TRIM37: variants seen among roughly 807,000 people sequenced by gnomAD.
The protein encoded by TRIM37 is E3 ubiquitin-protein ligase TRIM37.
A neutral mutation model predicts 129.8 loss-of-function variants in TRIM37; 80 were observed. The observed-to-expected ratio is 0.62, with a 90% confidence interval of 0.51 to 0.74. The LOEUF (loss-of-function observed/expected upper bound fraction) is 0.74, where lower values mean the gene tolerates loss of function less well. Among genes scored for constraint, TRIM37 ranks in the 30% least tolerant of loss-of-function variants. The pLI is 0.00. For missense variants in TRIM37, 1,054 were observed against 1,176.5 expected (o/e 0.90, Z 1.52); for synonymous variants, 389 against 387.1 (o/e 1.00, Z -0.06).
At chr17:59,038,454 C>G (rs1255033745) in intron 17 of TRIM37, among the ~76,000 whole-genome samples, 1 of 152,122 alleles carries the variant, frequency 6.6e-6, no homozygotes, top group Non-Finnish European at 1.5e-5. Flanking sequence ...TCTTCAACAT[C>G]TAGAATACAG....
intron 9 of TRIM37, among the ~76,000 whole-genome samples, 197 bp from the exon 10 acceptor site, chr17:59,064,602 T>C (rs544565798): frequency 9.4e-4 from 143 of 152,268 alleles, no homozygotes; most frequent in Non-Finnish European, 1.5e-3. Context: ...AAATTGGAGA[T>C]ACAAATACTT....
intron 2 of TRIM37, among the ~76,000 whole-genome samples, chr17:59,100,959 T>C (rs1216327389): frequency 6.6e-6 from 1 of 150,550 alleles, no homozygotes; most frequent in African/African-American, 2.4e-5. Context: ...GAGATGGAGG[T>C]TGCAGTGAGC....
intron 21 of TRIM37, among the ~76,000 whole-genome samples, chr17:59,012,861 G>A (rs1393878631): frequency 6.7e-6 from 1 of 149,614 alleles, no homozygotes; most frequent in African/African-American, 2.5e-5. Flanking sequence ...GGGCAACAGA[G>A]TGAGACTCTG....
chr17:58,993,931 AATGTT>A (rs1297626720), downstream of TRIM37, among the ~76,000 whole-genome samples: 1 of 152,222 alleles, frequency 6.6e-6, no homozygotes. Flanking sequence ...CTTTGAAAAA[AATGTT>A]ATGACACAAT....
chr17:59,020,607 A>C (rs1264603465), intron 19 of TRIM37, among the ~76,000 whole-genome samples: 1 of 152,214 alleles, frequency 6.6e-6, no homozygotes, highest in Non-Finnish European at 1.5e-5. Context: ...ATTAATGACC[A>C]GGATCTCAAA....
intron 1 of TRIM37, 50 bp downstream of exon 1, chr17:59,106,391 G>T (rs756593570): frequency 1.2e-6 from 2 of 1,612,216 alleles, no homozygotes; most frequent in Non-Finnish European, 1.7e-6. Flanking sequence ...AATAAAAACC[G>T]CTCATCGGGT....
downstream of TRIM37, chr17:58,980,113 G>A (rs375055322): frequency 1.2e-6 from 2 of 1,614,118 alleles, no homozygotes; most frequent in East Asian, 2.2e-5. This position sits in a 1 kb window ranked among gnomAD's most constrained non-coding sequence, Gnocchi z 4.7. Flanking sequence ...TGAAAGTTGT[G>A]TCCGACCACC....
At chr17:58,988,398 T>C (rs1198929827) in intron 24 of TRIM37, among the ~76,000 whole-genome samples, 1 of 151,976 alleles carries the variant, frequency 6.6e-6, no homozygotes, top group African/African-American at 2.4e-5. Flanking sequence ...AAGCACCCTA[T>C]GAGGGAAAAG....
chr17:59,075,261 AC>A (rs894149870), intron 8 of TRIM37, among the ~76,000 whole-genome samples: 2 of 152,010 alleles, frequency 1.3e-5, no homozygotes, highest in Non-Finnish European at 2.9e-5. Context: ...CAAAAAAAAA[AC>A]GTTTATAATA....
rs753562399 is a variant in TRIM37, at chr17:59,104,349, G to T, written c.67C>A (p.Arg23=). The T allele has an allele frequency of 4.3e-6, 7 of 1,614,026 alleles. No individual in the cohort carries two copies. The highest frequency in any genetic ancestry group is 2.7e-5 in the African/African-American group (2 of 74,914). The change falls in exon 2 of 24, where the codon CGG becomes AGG. Residue 23 remains arginine (R), a synonymous_variant. Transcript: ENST00000262294. ...CAATGAGGACACAGGCGTGCATCCC[G>T]CAATTTCTCCATACAAATGAAACAT... ...FRCFICMEKL[R]DARLCPHCSK... is the part of the protein sequence containing the mutation.
At chr17:58,991,563 T>C (rs780537255) in intron 24 of TRIM37, among the ~76,000 whole-genome samples, 2 of 152,204 alleles carry the variant, frequency 1.3e-5, no homozygotes, top group Non-Finnish European at 2.9e-5. Context: ...ACTCATTTTA[T>C]GAGGTCAGCA....
chr17:58,994,812 C>T (rs1311302476), downstream of TRIM37, among the ~76,000 whole-genome samples: 4 of 151,526 alleles, frequency 2.6e-5, no homozygotes, highest in Admixed American at 6.6e-5. Context: ...GCAAATGGCA[C>T]GATCTCGGCT....
At chr17:59,001,480 C>CA in intron 23 of TRIM37, 118 bp downstream of exon 23, 1 of 1,222,564 alleles carries the variant, frequency 8.2e-7, no homozygotes, top group South Asian at 1.4e-5. Flanking sequence ...GAAGTAGAAG[C>CA]AGAAGAAGCA....
At chr17:59,071,649 A>G (rs2042377908) in intron 8 of TRIM37, among the ~76,000 whole-genome samples, 1 of 152,156 alleles carries the variant, frequency 6.6e-6, no homozygotes, top group Admixed American at 6.6e-5. Context: ...CAAAACGTAC[A>G]CACATACACC....
intron 3 of TRIM37, among the ~76,000 whole-genome samples, chr17:59,089,442 A>C (rs756772164): frequency 1.3e-5 from 2 of 152,144 alleles, no homozygotes; most frequent in Non-Finnish European, 2.9e-5. Flanking sequence ...GGAGATCAAG[A>C]CCATCCTGGC....
intron 9 of TRIM37, among the ~76,000 whole-genome samples, chr17:59,066,577 C>G (rs1186645626): frequency 1.3e-5 from 2 of 152,194 alleles, no homozygotes; most frequent in Non-Finnish European, 2.9e-5. Flanking sequence ...GCATAGGTTA[C>G]TAACACTCAT....
At chr17:59,097,328 A>G (rs1304214974) in intron 2 of TRIM37, among the ~76,000 whole-genome samples, 1 of 152,188 alleles carries the variant, frequency 6.6e-6, no homozygotes, top group Non-Finnish European at 1.5e-5. Context: ...AAGTATCCTA[A>G]TTAAAAAAGA....
chr17:59,001,324 T>C (rs144449592), intron 23 of TRIM37, among the ~76,000 whole-genome samples: 1 of 150,510 alleles, frequency 6.6e-6, no homozygotes, highest in African/African-American at 2.4e-5. Context: ...CAAAAGCAGG[T>C]TGTGGACCCC....
At chr17:58,984,240 T>A (rs187565156) in intron 24 of TRIM37, 1 of 152,700 alleles carries the variant, frequency 6.5e-6, no homozygotes, top group Non-Finnish European at 1.5e-5. Flanking sequence ...TTTGACCACA[T>A]TTATAGTGGT....
Sources: allele counts gnomAD v4.1 joint callset (sites outside exome capture counted in the v4.1 genomes callset), GRCh38; gene constraint gnomAD v4.1.1; non-coding constraint Gnocchi (gnomAD v3.1); transcripts MANE v1.5; gene names NCBI Gene and HGNC (gene_info 2026-07-23, HGNC 2026-07-21).